COL5A2: variants seen among roughly 807,000 people sequenced by gnomAD.
The protein encoded by COL5A2 is collagen type V alpha 2 chain.
A neutral mutation model predicts 208.2 loss-of-function variants in COL5A2; 23 were observed. The ratio of observed to expected loss-of-function variants is 0.11; its 90% CI spans 0.08 to 0.16. The LOEUF (loss-of-function observed/expected upper bound fraction) is 0.16, where lower values mean the gene tolerates loss of function less well. Ranked by LOEUF, COL5A2 falls within the 10% of genes least tolerant of loss-of-function variation. The probability of loss-of-function intolerance (pLI) is 1.00; values close to 1 mark genes in which losing one functional copy is unlikely to be tolerated. For missense variants in COL5A2, 1,590 were observed against 1,956.4 expected, an observed-to-expected ratio of 0.81 and a Z score of 3.53; for synonymous variants, 625 against 628.5, an observed-to-expected ratio of 0.99 and a Z score of 0.08.
chr2:189,427,211 C>T, the COL5A2 span, among the ~76,000 whole-genome samples: 105 of 152,378 alleles, frequency 6.9e-4, no homozygotes, highest in Middle Eastern at 3.4e-3. Context: ...CACTCCAGCT[C>T]CAGCTGTAGC....
Position 189,135,066 on chromosome 2 carries a change from CTTCAA to C in COL5A2, c.98-24622_98-24618del, listed in dbSNP as rs1485308489. ...ACTACATATAACATATGTAATAAAT[CTTCAA>C]TTCAAGTCACAACTTTTCTTCTTGT... On this transcript the variant is annotated intron_variant, in intron 1 of 53. Coordinates refer to ENST00000374866, the MANE Select transcript of COL5A2 (RefSeq NM_000393.5). 4.6e-5 allele frequency among the ~76,000 whole-genome samples: 7 copies of C among 152,264 alleles called. No homozygotes were observed. In the East Asian group the frequency reaches 1.4e-3, roughly 29 times the overall value.
chr2:189,098,038 C>CCCCCCCA (rs1553518250), intron 5 of COL5A2, among the ~76,000 whole-genome samples: 2 of 152,032 alleles, frequency 1.3e-5, no homozygotes, highest in African/African-American at 4.8e-5. Flanking sequence ...ATGTTTTTCC[C>CCCCCCCA]CCCCTGGGAA....
chr2:189,172,289 G>T (rs1277074360), intron 1 of COL5A2, among the ~76,000 whole-genome samples: 1 of 152,158 alleles, frequency 6.6e-6, no homozygotes, highest in Non-Finnish European at 1.5e-5. Flanking sequence ...GATGGAACAA[G>T]TTCCTCAGGG....
chr2:189,348,370 T>C, the COL5A2 span, among the ~76,000 whole-genome samples: 3 of 152,138 alleles, frequency 2.0e-5, no homozygotes, highest in Admixed American at 6.6e-5. Flanking sequence ...TGGCAAATTA[T>C]ATGAATCTCT....
At chr2:189,299,803 A>C in the COL5A2 span, among the ~76,000 whole-genome samples, 2 of 152,138 alleles carry the variant, frequency 1.3e-5, no homozygotes, top group Non-Finnish European at 2.9e-5. Context: ...TTAAGCAAAA[A>C]CTTAATAAAA....
At chr2:189,267,085 G>A in the COL5A2 span, among the ~76,000 whole-genome samples, 1 of 152,090 alleles carries the variant, frequency 6.6e-6, no homozygotes, top group East Asian at 1.9e-4. Flanking sequence ...TCTTATGGTG[G>A]TGGGTTTGGT....
the COL5A2 span, among the ~76,000 whole-genome samples, chr2:189,241,285 T>C: frequency 2.6e-5 from 4 of 152,158 alleles, no homozygotes; most frequent in Admixed American, 6.5e-5. Flanking sequence ...GGGTACAACA[T>C]TCACTATTTA....
At chr2:189,333,179 G>T in the COL5A2 span, among the ~76,000 whole-genome samples, 1 of 152,002 alleles carries the variant, frequency 6.6e-6, no homozygotes, top group Admixed American at 6.5e-5. Context: ...TAGAACCAAA[G>T]AAAGTAGGAA....
intron 45 of COL5A2, 128 bp from the exon 46 acceptor site, chr2:189,046,035 T>C: frequency 1.8e-6 from 1 of 563,462 alleles, no homozygotes; most frequent in Non-Finnish European, 3.0e-6. Context: ...TTTTACTTAT[T>C]ATTTTAACTA....
intron 1 of COL5A2, among the ~76,000 whole-genome samples, chr2:189,189,186 T>C (rs1688893162): frequency 6.6e-6 from 1 of 152,226 alleles, no homozygotes; most frequent in Non-Finnish European, 1.5e-5. Flanking sequence ...AATACCAAAT[T>C]ATTTGAAAAT....
At chr2:189,219,878 C>A (rs923418257) in intron 1 of COL5A2, among the ~76,000 whole-genome samples, 9 of 151,972 alleles carry the variant, frequency 5.9e-5, no homozygotes, top group Non-Finnish European at 8.8e-5. Context: ...AGAGTGCCCC[C>A]CCCCCACTCT....
intron 6 of COL5A2, 138 bp downstream of exon 6, chr2:189,097,139 A>T (rs1686935040): frequency 1.3e-6 from 1 of 755,190 alleles, no homozygotes; most frequent in African/African-American, 1.7e-5. Context: ...AAGATAATAT[A>T]CAATTATTAT....
rs1306884271 is a variant in COL5A2 at position 189,043,219 on chromosome 2, C to G, written c.3403G>C (p.Asp1135His). 2 of 1,613,940 alleles carry G rather than the reference C, an allele frequency of 1.2e-6. No homozygotes were observed. Among genetic ancestry groups the G allele is most frequent in the Non-Finnish European group, 1.7e-6 (2 of 1,179,888 alleles). ...CCCTTCTGACCTCTGTCACCTCGGT[C>G]TCCATGATCACCTTTGTCACCACGA... is the stretch of plus-strand genomic sequence containing the variant. ...GPRGDKGDHG[D>H]RGDRGQKGHR... The change falls in exon 48 of 54, where the codon GAC (aspartate) becomes CAC (histidine). Residue 1135 changes from aspartate (D) to histidine (H), a missense_variant. By Grantham distance (81) the Asp-to-His change is moderately conservative. Coordinates refer to ENST00000374866, the MANE Select transcript of COL5A2 (RefSeq NM_000393.5).
upstream of COL5A2, among the ~76,000 whole-genome samples, chr2:189,227,827 A>T (rs1012285658): frequency 7.2e-5 from 11 of 152,044 alleles, no homozygotes; most frequent in Non-Finnish European, 1.5e-5. Context: ...ATAAAGAAAC[A>T]GAGGACTTGA....
At chr2:189,426,643 T>G in the COL5A2 span, among the ~76,000 whole-genome samples, 10 of 152,358 alleles carry the variant, frequency 6.6e-5, no homozygotes, top group African/African-American at 2.4e-4. Context: ...AAATCAACTT[T>G]CTAAATTAAC....
At chr2:189,358,718 T>C in the COL5A2 span, among the ~76,000 whole-genome samples, 1 of 152,236 alleles carries the variant, frequency 6.6e-6, no homozygotes, top group African/African-American at 2.4e-5. Flanking sequence ...AGTGATACTT[T>C]CCATTTTATT....
At chr2:189,088,916 G>C (rs1686723509) in intron 7 of COL5A2, 144 bp from the exon 8 acceptor site, 1 of 731,806 alleles carries the variant, frequency 1.4e-6, no homozygotes, top group Admixed American at 2.2e-5. Flanking sequence ...TTAAAGCCTG[G>C]AAAAAGACTT....
chr2:189,109,424 C>T (rs1219404404), intron 2 of COL5A2, among the ~76,000 whole-genome samples: 1 of 151,612 alleles, frequency 6.6e-6, no homozygotes, highest in African/African-American at 2.4e-5. Flanking sequence ...ACTGTTGAAA[C>T]CTTTATTGTA....
chr2:189,272,067 T>C, the COL5A2 span, among the ~76,000 whole-genome samples: 1 of 151,866 alleles, frequency 6.6e-6, no homozygotes, highest in African/African-American at 2.4e-5. Context: ...TTGGTGGGAG[T>C]GTAAATTAGT....
Sources: allele counts gnomAD v4.1 joint callset (sites outside exome capture counted in the v4.1 genomes callset), GRCh38; gene constraint gnomAD v4.1.1; transcripts MANE v1.5; gene names NCBI Gene and HGNC (gene_info 2026-07-23, HGNC 2026-07-21).